SEMA3A: variants seen among roughly 807,000 people sequenced by gnomAD.
SEMA3A encodes semaphorin 3A.
In SEMA3A, 29 loss-of-function variants were observed where a neutral mutation model predicts 97.9. The observed-to-expected ratio is 0.30, with a 90% CI of 0.22 to 0.40. The LOEUF (loss-of-function observed/expected upper bound fraction) is 0.40. SEMA3A is among the 10% of genes least tolerant of loss of function. SEMA3A has a pLI of 1.00. For missense variants in SEMA3A, 763 were observed against 951.3 expected (o/e 0.80, Z 2.60); for synonymous variants, 321 against 323.7 (o/e 0.99, Z 0.09).
At chr7:84,314,523 G>A (rs1801445670) in intron 2 of SEMA3A, among the ~76,000 whole-genome samples, 1 of 152,084 alleles carries the variant, frequency 6.6e-6, no homozygotes, top group African/African-American at 2.4e-5. Flanking sequence ...GATTGGGGTT[G>A]GTTCTTCATT....
At chr7:84,320,586 C>G (rs545190013) in intron 2 of SEMA3A, among the ~76,000 whole-genome samples, 1 of 151,990 alleles carries the variant, frequency 6.6e-6, no homozygotes, top group South Asian at 2.1e-4. Context: ...AATAAACGAA[C>G]AGTTTAAGGT....
chr7:84,333,486 T>G (rs933605103), intron 2 of SEMA3A, among the ~76,000 whole-genome samples: 1 of 151,852 alleles, frequency 6.6e-6, no homozygotes, highest in Admixed American at 6.6e-5. Context: ...CACGATGAGG[T>G]GAGGAGAGTG....
At chr7:84,202,817 A>T (rs2116300427) in intron 3 of SEMA3A, among the ~76,000 whole-genome samples, 1 of 152,274 alleles carries the variant, frequency 6.6e-6, no homozygotes, top group African/African-American at 2.4e-5. Flanking sequence ...CCTAGTCATG[A>T]ATGTCCTAAT....
intron 5 of SEMA3A, 80 bp downstream of exon 5, chr7:84,060,385 T>C (rs1793164269): frequency 1.2e-6 from 1 of 837,442 alleles, no homozygotes; most frequent in African/African-American, 1.8e-5. Flanking sequence ...TAATGGAAAA[T>C]CTTGGTAGAT....
At chr7:84,232,947 C>A (rs1312733728) in intron 3 of SEMA3A, among the ~76,000 whole-genome samples, 1 of 151,942 alleles carries the variant, frequency 6.6e-6, no homozygotes, top group African/African-American at 2.4e-5. Flanking sequence ...CAACAAGTCC[C>A]TTCTTAGGAT....
At chr7:84,431,567 T>C (rs544972961) in intron 1 of SEMA3A, among the ~76,000 whole-genome samples, 2 of 151,822 alleles carry the variant, frequency 1.3e-5, no homozygotes, top group Non-Finnish European at 2.9e-5. Context: ...CTCAGGATAA[T>C]ATGAGAAGAA....
At chr7:84,102,173 C>T (rs1247713767) in intron 4 of SEMA3A, among the ~76,000 whole-genome samples, 1 of 152,086 alleles carries the variant, frequency 6.6e-6, no homozygotes, top group African/African-American at 2.4e-5. Flanking sequence ...AGCCCTATCA[C>T]CAATCAACTG....
intron 14 of SEMA3A, among the ~76,000 whole-genome samples, chr7:83,979,689 T>C (rs1191779704): frequency 6.6e-6 from 1 of 152,210 alleles, no homozygotes; most frequent in African/African-American, 2.4e-5. Context: ...GTTAAAGGTT[T>C]AATAATTGTA....
intron 3 of SEMA3A, among the ~76,000 whole-genome samples, chr7:84,234,582 T>C (rs1287085630): frequency 6.6e-6 from 1 of 151,894 alleles, no homozygotes; most frequent in Non-Finnish European, 1.5e-5. Context: ...AACTGAGGAG[T>C]CTTTGAACCA....
chr7:84,146,489 ATAGTAGCC>A (rs1402244843), intron 1 of SEMA3A, among the ~76,000 whole-genome samples: 1 of 152,188 alleles, frequency 6.6e-6, no homozygotes, highest in African/African-American at 2.4e-5. Flanking sequence ...CCTGATATTG[ATAGTAGCC>A]TTTTGCACAA....
rs1584227070 is a variant in SEMA3A at position 84,310,551 on chromosome 7, A to C, written c.-168-3259T>G. Among the ~76,000 whole-genome samples, 4 of 152,082 alleles carry C rather than the reference A, an allele frequency of 2.6e-5. No individual in the cohort carries two copies. In the East Asian group the frequency reaches 7.7e-4, roughly 29 times the overall value. ...TAGATGATAATTCTTTATCTTATCT[A>C]TTTCTTTTCTTTGATCCTGGTGTTC... On this transcript the variant is annotated intron_variant, in intron 2 of 3. Transcript: ENST00000424555.
chr7:84,144,911 G>T (rs906850241), intron 1 of SEMA3A, among the ~76,000 whole-genome samples: 3 of 152,004 alleles, frequency 2.0e-5, no homozygotes, highest in Admixed American at 2.0e-4. Flanking sequence ...TGAGATTTGG[G>T]CTCTTTATAT....
At chr7:84,436,220 T>A (rs1254074527) in intron 1 of SEMA3A, among the ~76,000 whole-genome samples, 1 of 152,146 alleles carries the variant, frequency 6.6e-6, no homozygotes, top group African/African-American at 2.4e-5. Flanking sequence ...CATTAAACTA[T>A]AAGAATCCTA....
chr7:84,377,535 T>A (rs1297559681), intron 1 of SEMA3A, among the ~76,000 whole-genome samples: 5 of 152,114 alleles, frequency 3.3e-5, no homozygotes, highest in African/African-American at 1.2e-4. Flanking sequence ...TCAGGTAGTG[T>A]GGTGCCTCCA....
At chr7:84,301,297 C>A (rs1307055053) in intron 3 of SEMA3A, among the ~76,000 whole-genome samples, 7 of 151,956 alleles carry the variant, frequency 4.6e-5, no homozygotes, top group Admixed American at 6.5e-5. Context: ...AAGAAAATCA[C>A]AGAATGGTAG....
At chr7:83,973,735 T>C (rs1789011014) in intron 15 of SEMA3A, among the ~76,000 whole-genome samples, 1 of 152,172 alleles carries the variant, frequency 6.6e-6, no homozygotes, top group African/African-American at 2.4e-5. Flanking sequence ...GATTGGATTC[T>C]GTGGACATAT....
chr7:84,363,013 T>C (rs533840075), intron 2 of SEMA3A, among the ~76,000 whole-genome samples: 1 of 152,030 alleles, frequency 6.6e-6, no homozygotes, highest in Admixed American at 6.6e-5. Flanking sequence ...AGTATATTAC[T>C]GTACAACTAG....
At chr7:84,310,302 CT>C (rs1466523969) in intron 2 of SEMA3A, among the ~76,000 whole-genome samples, 1 of 151,572 alleles carries the variant, frequency 6.6e-6, no homozygotes, top group Admixed American at 6.6e-5. Context: ...TTTCACCTAT[CT>C]TTGGGGAAAT....
chr7:84,090,542 T>A (rs2115844581), intron 4 of SEMA3A, among the ~76,000 whole-genome samples: 1 of 152,084 alleles, frequency 6.6e-6, no homozygotes, highest in Middle Eastern at 3.4e-3. Context: ...GTTGAACAAA[T>A]AATGCAAACA....
Sources: gnomAD v4.1 joint callset for allele counts (sites outside exome capture counted in the v4.1 genomes callset) on GRCh38, gnomAD v4.1.1 for gene constraint, MANE v1.5 for transcripts, NCBI Gene and HGNC (gene_info 2026-07-23, HGNC 2026-07-21) for gene names.